The following GPC5 variants were observed in gnomAD, a reference collection of about 807,000 sequenced individuals.
The protein encoded by GPC5 is glypican 5.
In GPC5, 47 loss-of-function variants were observed where a neutral mutation model predicts 53.9. The observed-to-expected ratio is 0.87, with a 90% CI of 0.69 to 1.11. GPC5 has a LOEUF of 1.11. Among genes scored for constraint, GPC5 ranks in the 50% most tolerant of loss-of-function variants. The probability of loss-of-function intolerance (pLI) is 0.00; values close to 1 mark genes in which losing one functional copy is unlikely to be tolerated. For synonymous variants in GPC5, 286 were observed against 263.3 expected (o/e 1.09, Z -0.84); for missense variants, 748 against 713.1 (o/e 1.05, Z -0.56).
chr13:92,201,943 T>C (rs2042298148), intron 7 of GPC5, among the ~76,000 whole-genome samples: 1 of 152,172 alleles, frequency 6.6e-6, no homozygotes, highest in African/African-American at 2.4e-5. Flanking sequence ...AGTAGCAGGA[T>C]TGTTACAATA....
chr13:92,714,493 G>C (rs1041172534), intron 7 of GPC5, among the ~76,000 whole-genome samples: 1 of 152,040 alleles, frequency 6.6e-6, no homozygotes, highest in African/African-American at 2.4e-5. Flanking sequence ...TCAACAACCA[G>C]GAGAAAACAA....
At chr13:92,359,184 C>T (rs1304246782) in intron 7 of GPC5, among the ~76,000 whole-genome samples, 1 of 151,676 alleles carries the variant, frequency 6.6e-6, no homozygotes, top group Non-Finnish European at 1.5e-5. Context: ...GCTAGATATC[C>T]TAAATTATCA....
At chr13:92,748,311 TTTATTATTA>T (rs71202559) in intron 7 of GPC5, among the ~76,000 whole-genome samples, 209 of 142,348 alleles carry the variant, frequency 1.5e-3, no homozygotes, top group Middle Eastern at 3.6e-3. Context: ...TGCATTTTAT[TTTATTATTA>T]TTATTATTAT....
At chr13:91,844,491 T>C (rs954631161) in intron 5 of GPC5, among the ~76,000 whole-genome samples, 31 of 152,138 alleles carry the variant, frequency 2.0e-4, no homozygotes, top group Non-Finnish European at 4.4e-4. Flanking sequence ...AGTCTTCTCT[T>C]GAGCCAAAGG....
intron 7 of GPC5, among the ~76,000 whole-genome samples, chr13:92,208,669 T>G (rs977429753): frequency 2.0e-5 from 3 of 152,176 alleles, no homozygotes; most frequent in Non-Finnish European, 4.4e-5. Context: ...TAAAGAGGAA[T>G]TTTTCATAAA....
intron 7 of GPC5, among the ~76,000 whole-genome samples, chr13:92,856,066 C>T (rs1401831755): frequency 6.6e-6 from 1 of 151,844 alleles, no homozygotes; most frequent in Non-Finnish European, 1.5e-5. Context: ...AATAAGAAAA[C>T]AGCAGGCCAG....
intron 7 of GPC5, among the ~76,000 whole-genome samples, chr13:92,840,092 T>TATATATATATATATAC (rs1878382167): frequency 5.4e-5 from 3 of 55,938 alleles, no homozygotes; most frequent in African/African-American, 2.0e-4. Flanking sequence ...TATATATATA[T>TATATATATATATATAC]ATATATATAT....
At chr13:92,106,150 C>G (rs1320030635) in intron 6 of GPC5, among the ~76,000 whole-genome samples, 1 of 151,872 alleles carries the variant, frequency 6.6e-6, no homozygotes, top group African/African-American at 2.4e-5. Context: ...CATAAGTTAT[C>G]TATGTGTTTA....
chr13:92,485,921 G>A (rs1260303388), intron 7 of GPC5, among the ~76,000 whole-genome samples: 1 of 152,180 alleles, frequency 6.6e-6, no homozygotes, highest in Non-Finnish European at 1.5e-5. Context: ...AGCTGAGATG[G>A]TGCCATTGCA....
At chr13:92,277,145 T>C (rs1347897091) in intron 7 of GPC5, among the ~76,000 whole-genome samples, 1 of 152,038 alleles carries the variant, frequency 6.6e-6, no homozygotes, top group African/African-American at 2.4e-5. Flanking sequence ...TTAAGTAATA[T>C]AACATTGAAA....
At chr13:92,018,836 T>C (rs1196379406) in intron 6 of GPC5, among the ~76,000 whole-genome samples, 1 of 152,080 alleles carries the variant, frequency 6.6e-6, no homozygotes, top group East Asian at 1.9e-4. Context: ...TATAACAAAA[T>C]CATTTTTATG....
chr13:91,908,091 A>T, intron 6 of GPC5, 34 bp downstream of exon 6: 1 of 1,383,514 alleles, frequency 7.2e-7, no homozygotes, highest in Non-Finnish European at 9.4e-7. Context: ...TAGTATACTC[A>T]GTCATAAATA....
At chr13:91,946,626 G>A (rs545145248) in intron 6 of GPC5, among the ~76,000 whole-genome samples, 47 of 152,252 alleles carry the variant, frequency 3.1e-4, no homozygotes, top group African/African-American at 1.1e-3. Context: ...ACCTCAGATT[G>A]CATGTTACGT....
chr13:92,268,124 A>G (rs990077992), intron 7 of GPC5, among the ~76,000 whole-genome samples: 15 of 148,964 alleles, frequency 1.0e-4, no homozygotes, highest in Admixed American at 2.7e-4. Context: ...CTTAAAAAAA[A>G]AATCGCAAAT....
intron 7 of GPC5, among the ~76,000 whole-genome samples, chr13:92,164,070 T>C (rs1000344277): frequency 6.6e-6 from 1 of 152,066 alleles, no homozygotes; most frequent in African/African-American, 2.4e-5. Flanking sequence ...TTCAGTTACC[T>C]CCCAAGAGGT....
intron 6 of GPC5, among the ~76,000 whole-genome samples, chr13:92,130,248 G>A (rs577226103): frequency 2.0e-5 from 3 of 150,728 alleles, no homozygotes; most frequent in East Asian, 1.9e-4. Flanking sequence ...TAGGAGACCC[G>A]AACTACAGAA....
In GPC5 at chr13:92,749,111, T is replaced by G. The variant is rs77035499; in HGVS notation, c.1562-117171T>G. Among the ~76,000 whole-genome samples, 613 of 152,320 alleles carry G rather than the reference T, an allele frequency of 4.0e-3. 4 individuals carry two copies. The highest frequency in any genetic ancestry group is 7.0e-3 in the Non-Finnish European group (475 of 68,006). The stretch of plus-strand genomic sequence containing the variant: ...ATACACTGATCTACTCTGGGACTAC[T>G]CTTACATTCTCAGATATTTTAATGT... On this transcript the variant is annotated intron_variant, in intron 7 of 7. Coordinates refer to ENST00000377067, the MANE Select transcript of GPC5 (RefSeq NM_004466.6).
At chr13:92,183,881 A>T (rs1453461186) in intron 7 of GPC5, among the ~76,000 whole-genome samples, 1 of 152,028 alleles carries the variant, frequency 6.6e-6, no homozygotes, top group Non-Finnish European at 1.5e-5. Context: ...TAATCTCTTA[A>T]TAAATATCAT....
chr13:91,933,843 A>G (rs1252481664), intron 6 of GPC5, among the ~76,000 whole-genome samples: 4 of 152,084 alleles, frequency 2.6e-5, no homozygotes, highest in South Asian at 4.1e-4. Context: ...GATAATTTGC[A>G]TGTCTTGCTG....
Sources: gnomAD v4.1 joint callset for allele counts (sites outside exome capture counted in the v4.1 genomes callset) on GRCh38, gnomAD v4.1.1 for gene constraint, MANE v1.5 for transcripts, NCBI Gene and HGNC (gene_info 2026-07-23, HGNC 2026-07-21) for gene names.